HSF4: variants seen among roughly 807,000 people sequenced by gnomAD.
HSF4 encodes the protein heat shock factor protein 4.
A neutral mutation model predicts 52.0 loss-of-function variants in HSF4; 41 were observed. That is an observed-to-expected ratio of 0.79 (90% CI 0.61 to 1.02). The LOEUF is 1.02. Among genes scored for constraint, HSF4 ranks in the 50% least tolerant of loss-of-function variants. The probability of loss-of-function intolerance (pLI) is 0.00; values close to 1 mark genes in which losing one functional copy is unlikely to be tolerated. For synonymous variants in HSF4, 285 were observed against 273.0 expected (o/e 1.04, Z -0.43); for missense variants, 610 against 651.1 (o/e 0.94, Z 0.69).
chr16:67,163,985 C>A, upstream of HSF4: 1 of 1,020,890 alleles, frequency 9.8e-7, no homozygotes, highest in Non-Finnish European at 1.5e-6. Flanking sequence ...GTCCTGGGCG[C>A]CCTGAGACCA....
chr16:67,165,677 C>G lies in HSF4; in HGVS notation c.233-42C>G. Reference sequence around the variant, plus strand: ...GGGAGCGGGGATGGGGGACTCGGTGCCGGGGATGGGGCGACCCACGCCCCC... The same window carrying G: ...GGGAGCGGGGATGGGGGACTCGGTGGCGGGGATGGGGCGACCCACGCCCCC... On this transcript the variant is annotated intron_variant, in intron 2 of 12. Coordinates refer to ENST00000521374, the MANE Select transcript of HSF4 (RefSeq NM_001374675.1). This position sits in a 1 kb window ranked among gnomAD's most constrained non-coding sequence, Gnocchi z 6.9. 1 of 1,612,120 alleles carries G rather than the reference C, an allele frequency of 6.2e-7. No individual in the cohort carries two copies. Among genetic ancestry groups the G allele is most frequent in the Middle Eastern group, 1.6e-4 (1 of 6,062 alleles).
rs2031590216 is a variant in HSF4, at chr16:67,169,503, C to T, written c.1325-128C>T. On this transcript the variant is annotated intron_variant, in intron 12 of 12. Transcript: ENST00000521374. The surrounding 1 kb of genome is among the most constrained non-coding windows in gnomAD (Gnocchi z 4.3). ...AGCCACCCATGCCCTCACCATTGGGCGAGAGTGGGGAGGTTAAGAATGGAT... is the reference window on the plus strand; with the variant it reads ...AGCCACCCATGCCCTCACCATTGGGTGAGAGTGGGGAGGTTAAGAATGGAT... 1 of 1,583,846 alleles carries T rather than the reference C, an allele frequency of 6.3e-7. No individual in the cohort carries two copies.
chr16:67,163,824 G>A (rs1345894746), upstream of HSF4: 3 of 1,540,708 alleles, frequency 1.9e-6, no homozygotes, highest in Admixed American at 1.9e-5. Context: ...GGCGTGATTG[G>A]GCGACTTCTC....
chr16:67,165,783 C>A lies in HSF4; in HGVS notation c.297C>A (p.Val99=), dbSNP rs763315414. The A allele has an allele frequency of 6.2e-7, 1 of 1,609,978 alleles. No homozygotes were observed. Among genetic ancestry groups the A allele is most frequent in the South Asian group, 1.1e-5 (1 of 91,032 alleles). Residue 99 remains valine (V), a synonymous_variant, in exon 3 of 13, where the codon GTC becomes GTA. Coordinates refer to ENST00000521374, the MANE Select transcript of HSF4 (RefSeq NM_001374675.1). The surrounding 1 kb of genome is among the most constrained non-coding windows in gnomAD (Gnocchi z 6.9). ...TGCTTAGGCCGGAGCGCGACCACGT[C>A]GAGTTCCAGCACCCGAGCTTCGTGC... is the stretch of plus-strand genomic sequence containing the variant. ...GGLLRPERDH[V]EFQHPSFVRG...
intron 9 of HSF4, among the ~76,000 whole-genome samples, chr16:67,168,342 C>T (rs763286077): frequency 1.1e-4 from 17 of 152,024 alleles, no homozygotes; most frequent in Admixed American, 2.0e-4. Context: ...GGTGTGGTGG[C>T]GTTTGCCTGT....
At chr16:67,166,101 G>T (rs2031264703) in intron 4 of HSF4, 31 bp downstream of exon 4, 1 of 1,462,740 alleles carries the variant, frequency 6.8e-7, no homozygotes, top group Admixed American at 2.0e-5. Flanking sequence ...AGAGGGGACA[G>T]GGGTGGGGGG....
rs899509841 is a variant in HSF4 at position 67,165,792 on chromosome 16, G to C, written c.306G>C (p.Gln102His). Residue 102 changes from glutamine to histidine, a missense_variant, in exon 3 of 13, where the codon CAG becomes CAC. Physicochemically the swap from Gln to His is conservative, Grantham distance 24. Coordinates refer to ENST00000521374, the MANE Select transcript of HSF4 (RefSeq NM_001374675.1). This position sits in a 1 kb window ranked among gnomAD's most constrained non-coding sequence, Gnocchi z 6.9. The part of the protein sequence containing the change: ...LRPERDHVEF[Q>H]HPSFVRGREQ... The stretch of plus-strand genomic sequence containing the variant: ...CGGAGCGCGACCACGTCGAGTTCCA[G>C]CACCCGAGCTTCGTGCGCGGCCGCG... 1.2e-6 allele frequency: 2 copies of C among 1,609,582 alleles called. No individual in the cohort carries two copies. The highest frequency in any genetic ancestry group is 1.7e-6 in the Non-Finnish European group (2 of 1,179,608).
At chr16:67,164,535 A>C, upstream of HSF4, 1 of 645,578 alleles carries the variant, frequency 1.5e-6, no homozygotes. Flanking sequence ...ACTCGAACCC[A>C]AGTCTCCCAC....
Position 67,167,598 on chromosome 16 carries a change from A to G in HSF4, c.853A>G (p.Arg285Gly). Residue 285 changes from arginine (R) to glycine (G), a missense_variant and splice_region_variant, in exon 8 of 13, where the codon AGG becomes GGG. Arg to Gly is a moderately radical substitution (Grantham distance 125, BLOSUM62 -2). Transcript: ENST00000521374. ...GCTTTCTCCCTCCAGTGATGGCAGG[A>G]GGTAAGGGGGACAGGGCTGCCCCTG... The part of the protein sequence containing the change: ...TRLSPSSDGR[R>G]EKGLALLKEE... 5 of 1,613,172 alleles carry G rather than the reference A, an allele frequency of 3.1e-6. No individual in the cohort carries two copies. The highest frequency in any genetic ancestry group is 4.2e-6 in the Non-Finnish European group (5 of 1,179,824).
upstream of HSF4, chr16:67,164,499 G>A: frequency 1.7e-6 from 1 of 591,784 alleles, no homozygotes; most frequent in South Asian, 1.5e-5. Flanking sequence ...AACAAAGAAG[G>A]AAATAGAGGG....
In HSF4 at chr16:67,165,698, C is replaced by T; in HGVS notation, c.233-21C>T. 1.9e-6 allele frequency: 3 copies of T among 1,611,860 alleles called. No individual in the cohort carries two copies. The highest frequency in any genetic ancestry group is 2.5e-6 in the Non-Finnish European group (3 of 1,179,728). ...GGTGCCGGGGATGGGGCGACCCACG[C>T]CCCCACGCCCCACTCCCCAGACGGT... On this transcript the variant is annotated intron_variant, in intron 2 of 12. Transcript: ENST00000521374. This position sits in a 1 kb window ranked among gnomAD's most constrained non-coding sequence, Gnocchi z 6.9.
Position 67,165,521 on chromosome 16 carries a change from G to C in HSF4, c.124-1G>C. 1 of 1,612,994 alleles carries C rather than the reference G, an allele frequency of 6.2e-7. No individual in the cohort carries two copies. Among genetic ancestry groups the C allele is most frequent in the Non-Finnish European group, 8.5e-7 (1 of 1,179,840 alleles). On this transcript the variant is annotated splice_acceptor_variant, in intron 1 of 12. Coordinates refer to ENST00000521374, the MANE Select transcript of HSF4 (RefSeq NM_001374675.1). LOFTEE classifies it high-confidence loss of function. This position sits in a 1 kb window ranked among gnomAD's most constrained non-coding sequence, Gnocchi z 6.9. ...CGGTGGGCGGGCGGCGTTCTTGGTA[G>C]AGCGGGACCAGTTTCCTCGTAAGCG...
At chr16:67,168,608 GC>G (rs2031484943) in intron 9 of HSF4, among the ~76,000 whole-genome samples, 1 of 152,220 alleles carries the variant, frequency 6.6e-6, no homozygotes, top group Non-Finnish European at 1.5e-5. Context: ...GGGTCCCAAA[GC>G]CCCAGCTCCA....
intron 6 of HSF4, 108 bp downstream of exon 6, chr16:67,166,730 C>A: frequency 9.7e-7 from 1 of 1,035,656 alleles, no homozygotes; most frequent in Non-Finnish European, 1.5e-6. Context: ...AATCCTCATT[C>A]CTCCCCCTGC....
chr16:67,166,416 C>G, intron 5 of HSF4, 21 bp downstream of exon 5: 1 of 1,603,190 alleles, frequency 6.2e-7, no homozygotes, highest in South Asian at 1.1e-5. Context: ...CCCCAAGCCT[C>G]GCTTCTCCCT....
In HSF4 at chr16:67,165,696, CG is replaced by C. The variant is rs1567668371; in HGVS notation, c.233-22del. 6.2e-7 allele frequency: 1 copy of C among 1,611,772 alleles called. No homozygotes were observed. The highest frequency in any genetic ancestry group is 2.2e-5 in the East Asian group (1 of 44,852). ...TCGGTGCCGGGGATGGGGCGACCCACGCCCCCACGCCCCACTCCCCAGACGG... is the reference window on the plus strand; with the variant it reads ...TCGGTGCCGGGGATGGGGCGACCCACCCCCCACGCCCCACTCCCCAGACGG... On this transcript the variant is annotated intron_variant, in intron 2 of 12. Transcript: ENST00000521374. This position sits in a 1 kb window ranked among gnomAD's most constrained non-coding sequence, Gnocchi z 6.9.
intron 7 of HSF4, 69 bp downstream of exon 7, chr16:67,167,291 A>G (rs2031376319): frequency 6.2e-7 from 1 of 1,611,052 alleles, no homozygotes; most frequent in Admixed American, 1.7e-5. Context: ...CCTTCTCCCC[A>G]TCCCCTAAAA....
chr16:67,164,303 G>GGCACTGT (rs2031077725), upstream of HSF4: 1 of 386,180 alleles, frequency 2.6e-6, no homozygotes, highest in African/African-American at 2.1e-5. Flanking sequence ...AGCTGCGGGG[G>GGCACTGT]GTCAGGGTCG....
Position 67,167,780 on chromosome 16 carries a change from C to A in HSF4, c.915C>A (p.Ala305=). 6.2e-7 allele frequency: 1 copy of A among 1,600,882 alleles called. No individual in the cohort carries two copies. Among genetic ancestry groups the A allele is most frequent in the Middle Eastern group, 1.7e-4 (1 of 6,034 alleles). Reference sequence around the variant, plus strand: ...CCAGTCCAGGGGGGGATGGCGAGGCCGGGCTGGCCCTGGCCCCAAACGAGT... The same window carrying A: ...CCAGTCCAGGGGGGGATGGCGAGGCAGGGCTGGCCCTGGCCCCAAACGAGT... ...EPASPGGDGE[A]GLALAPNECD... The change falls in exon 9 of 13, where the codon GCC becomes GCA. Residue 305 remains alanine, a synonymous_variant. Coordinates refer to ENST00000521374, the MANE Select transcript of HSF4 (RefSeq NM_001374675.1).
Sources: allele counts gnomAD v4.1 joint callset (sites outside exome capture counted in the v4.1 genomes callset), GRCh38; gene constraint gnomAD v4.1.1; non-coding constraint Gnocchi (gnomAD v3.1); transcripts MANE v1.5; gene names NCBI Gene and HGNC (gene_info 2026-07-23, HGNC 2026-07-21).